Variants in GRIP1 observed in about 807,000 individuals in gnomAD.
The protein encoded by GRIP1 is glutamate receptor interacting protein 1, also known as glutamate receptor-interacting protein 1.
In GRIP1, 45 loss-of-function variants were observed where a neutral mutation model predicts 129.9. That is an observed-to-expected ratio of 0.35 (90% CI 0.27 to 0.44). The LOEUF is 0.44. GRIP1 is among the 20% of genes least tolerant of loss of function. GRIP1 has a pLI of 1.00. For synonymous variants in GRIP1, 530 were observed against 520.8 expected, an observed-to-expected ratio of 1.02 and a Z score of -0.24; for missense variants, 1,196 against 1,396.8, an observed-to-expected ratio of 0.86 and a Z score of 2.29.
intron 13 of GRIP1, among the ~76,000 whole-genome samples, chr12:66,439,654 T>A (rs558793451): frequency 6.6e-6 from 1 of 152,320 alleles, no homozygotes; most frequent in African/African-American, 2.4e-5. Context: ...ATTGCTGTTA[T>A]AAGAATTAAA....
At chr12:67,005,699 G>T (rs768939901) in intron 1 of GRIP1, among the ~76,000 whole-genome samples, 9 of 152,208 alleles carry the variant, frequency 5.9e-5, no homozygotes, top group Non-Finnish European at 1.0e-4. Flanking sequence ...ATTCTCACTC[G>T]TGGAAGAAGA....
At chr12:66,488,851 A>C (rs2060028266) in intron 7 of GRIP1, among the ~76,000 whole-genome samples, 1 of 152,158 alleles carries the variant, frequency 6.6e-6, no homozygotes, top group East Asian at 1.9e-4. Flanking sequence ...ACCTCTATGC[A>C]CACAAACTAG....
At chr12:66,630,883 G>A (rs932584545) in intron 1 of GRIP1, among the ~76,000 whole-genome samples, 1 of 152,034 alleles carries the variant, frequency 6.6e-6, no homozygotes, top group Admixed American at 6.6e-5. Flanking sequence ...AAATCTCCAC[G>A]TTTGTTGGCT....
chr12:67,061,410 G>C lies in GRIP1; in HGVS notation c.58+7640C>G, dbSNP rs189996887. ...TGAGAAAGCCACAGTCAAGATGGTC[G>C]GTCTATACCTAGGCCAAATAGCCAG... On this transcript the variant is annotated intron_variant, in intron 1 of 1. Transcript: ENST00000643019. Among the ~76,000 whole-genome samples the C allele has an allele frequency of 3.5e-4, 54 of 152,266 alleles. No individual in the cohort carries two copies. In the East Asian group the frequency reaches 6.8e-3, roughly 19 times the overall value.
intron 1 of GRIP1, among the ~76,000 whole-genome samples, chr12:67,019,584 G>GA (rs1252975886): frequency 6.6e-6 from 1 of 152,146 alleles, no homozygotes; most frequent in Admixed American, 6.6e-5. Flanking sequence ...ATCATCTACG[G>GA]AAAATCTTCC....
chr12:66,744,193 T>A (rs1296457638), intron 1 of GRIP1, among the ~76,000 whole-genome samples: 3 of 152,118 alleles, frequency 2.0e-5, no homozygotes, highest in Non-Finnish European at 1.5e-5. Context: ...ATGAAAGTAA[T>A]AAAACATTGC....
intron 1 of GRIP1, among the ~76,000 whole-genome samples, chr12:66,655,786 T>C (rs2033119843): frequency 6.6e-6 from 1 of 152,036 alleles, no homozygotes. Context: ...ATTATTTGTA[T>C]TCTTTTAGTA....
At chr12:66,600,738 A>G (rs2064239484) in intron 1 of GRIP1, among the ~76,000 whole-genome samples, 1 of 152,240 alleles carries the variant, frequency 6.6e-6, no homozygotes, top group South Asian at 2.1e-4. Context: ...GTCTTTAAAC[A>G]AAAGAATTAT....
chr12:66,451,383 GTTTTTTTTT>G (rs1169331519), intron 11 of GRIP1, among the ~76,000 whole-genome samples: 51 of 42,590 alleles, frequency 1.2e-3, no homozygotes, highest in African/African-American at 4.1e-3. Flanking sequence ...ATTATAATCT[GTTTTTTTTT>G]TTTTTTTTTT....
chr12:66,812,082 T>G (rs1373495063), intron 1 of GRIP1, among the ~76,000 whole-genome samples: 1 of 152,200 alleles, frequency 6.6e-6, no homozygotes, highest in East Asian at 1.9e-4. Context: ...TTAACAGCCA[T>G]TTATCCAATT....
chr12:66,745,893 A>G (rs992554597), intron 1 of GRIP1, among the ~76,000 whole-genome samples: 64 of 152,322 alleles, frequency 4.2e-4, no homozygotes, highest in African/African-American at 1.5e-3. Context: ...ACTGAAGTGC[A>G]GGGCCCCTCT....
chr12:66,644,712 CTCTG>C (rs768035981), intron 1 of GRIP1, among the ~76,000 whole-genome samples: 11 of 152,294 alleles, frequency 7.2e-5, no homozygotes, highest in East Asian at 5.8e-4. Flanking sequence ...TTACGTAGGA[CTCTG>C]TCTGACTTGC....
chr12:66,890,158 G>A (rs1057487347), intron 1 of GRIP1, among the ~76,000 whole-genome samples: 3 of 151,942 alleles, frequency 2.0e-5, no homozygotes, highest in Admixed American at 6.6e-5. Flanking sequence ...AGAACCCCTG[G>A]GCTCAAGCAA....
At chr12:66,992,924 G>A (rs1592440021) in intron 1 of GRIP1, among the ~76,000 whole-genome samples, 1 of 152,206 alleles carries the variant, frequency 6.6e-6, no homozygotes, top group East Asian at 1.9e-4. Context: ...ACCACGCTGG[G>A]CAACATGGTG....
At chr12:66,688,313 T>G (rs186869687) in intron 1 of GRIP1, among the ~76,000 whole-genome samples, 1 of 152,310 alleles carries the variant, frequency 6.6e-6, no homozygotes, top group East Asian at 1.9e-4. Context: ...GTTACAGTAC[T>G]GAATTTACCA....
In GRIP1 at chr12:66,767,304, A is replaced by AGGAGGAGG. The variant is rs369099294; in HGVS notation, c.-420+36741_-420+36748dup. 6.6e-3 allele frequency among the ~76,000 whole-genome samples: 1,010 copies of AGGAGGAGG among 152,246 alleles called. 9 individuals carry two copies. Among genetic ancestry groups the AGGAGGAGG allele is most frequent in the Non-Finnish European group, 0.01 (701 of 67,992 alleles). On this transcript the variant is annotated intron_variant, in intron 1 of 4. Transcript: ENST00000538373. ...TGTCTTCTCTGAGGGATGAAGAGTG[A>AGGAGGAGG]GGAGGAGGGGAGGAGGGGAGAAAGG...
intron 1 of GRIP1, among the ~76,000 whole-genome samples, chr12:66,963,867 C>G (rs1386719933): frequency 6.6e-6 from 1 of 152,138 alleles, no homozygotes; most frequent in African/African-American, 2.4e-5. Context: ...GAACTCAGTA[C>G]CTCCAACCCA....
At chr12:66,581,009 T>C (rs969554884) in intron 2 of GRIP1, among the ~76,000 whole-genome samples, 1 of 152,118 alleles carries the variant, frequency 6.6e-6, no homozygotes, top group African/African-American at 2.4e-5. Flanking sequence ...TAGTTGGAAG[T>C]AAAGCTCTCC....
chr12:66,856,859 C>A (rs1362045973), intron 1 of GRIP1, among the ~76,000 whole-genome samples: 5 of 151,962 alleles, frequency 3.3e-5, no homozygotes, highest in African/African-American at 9.7e-5. Context: ...TTGACCCAGC[C>A]ATCCCATTAC....
Sources: allele counts gnomAD v4.1 joint callset (sites outside exome capture counted in the v4.1 genomes callset), GRCh38; gene constraint gnomAD v4.1.1; transcripts MANE v1.5; gene names NCBI Gene and HGNC (gene_info 2026-07-23, HGNC 2026-07-21).